Variants in PAM observed in about 807,000 individuals in gnomAD.
PAM encodes the protein peptidylglycine alpha-amidating monooxygenase, also known as peptidyl-glycine alpha-amidating monooxygenase.
In PAM, 72 loss-of-function variants were observed where a neutral mutation model predicts 122.1. The observed-to-expected ratio is 0.59, with a 90% confidence interval of 0.49 to 0.72. The LOEUF (loss-of-function observed/expected upper bound fraction) is 0.72, where lower values mean the gene tolerates loss of function less well. Among genes scored for constraint, PAM ranks in the 30% least tolerant of loss-of-function variants. The probability of loss-of-function intolerance (pLI) is 0.00; values close to 1 mark genes in which losing one functional copy is unlikely to be tolerated. For missense variants in PAM, 1,106 were observed against 1,183.7 expected, an observed-to-expected ratio of 0.93 and a Z score of 0.96; for synonymous variants, 389 against 404.4, an observed-to-expected ratio of 0.96 and a Z score of 0.46.
intron 7 of PAM, among the ~76,000 whole-genome samples, chr5:102,927,667 C>T (rs115702842): frequency 9.2e-4 from 140 of 151,888 alleles, no homozygotes; most frequent in African/African-American, 3.2e-3. Context: ...TAAATGCAGT[C>T]TCCCTCTGGA....
intron 1 of PAM, among the ~76,000 whole-genome samples, chr5:102,826,403 T>G (rs1773621799): frequency 6.6e-6 from 1 of 152,234 alleles, no homozygotes; most frequent in South Asian, 2.1e-4. Context: ...TATAATTTGC[T>G]ATCGCTAATA....
chr5:102,894,756 A>T (rs997921130), intron 3 of PAM, among the ~76,000 whole-genome samples: 1 of 151,622 alleles, frequency 6.6e-6, no homozygotes, highest in Admixed American at 6.6e-5. Context: ...GAATTATATC[A>T]CCAATACATT....
intron 1 of PAM, among the ~76,000 whole-genome samples, chr5:102,817,766 C>T (rs1019533784): frequency 1.3e-5 from 2 of 152,016 alleles, no homozygotes; most frequent in Admixed American, 1.3e-4. Flanking sequence ...TCAAAACACT[C>T]CAGAGGCTTC....
At chr5:103,001,421 T>C (rs1009939121) in intron 16 of PAM, among the ~76,000 whole-genome samples, 1 of 152,094 alleles carries the variant, frequency 6.6e-6, no homozygotes, top group South Asian at 2.1e-4. Flanking sequence ...AAATATCTTA[T>C]GAAATCTGTT....
chr5:102,842,386 C>T (rs1778877506), intron 1 of PAM, among the ~76,000 whole-genome samples: 1 of 152,080 alleles, frequency 6.6e-6, no homozygotes, highest in Non-Finnish European at 1.5e-5. Flanking sequence ...ATGTTGTTCT[C>T]ATGATAGCGA....
intron 15 of PAM, among the ~76,000 whole-genome samples, chr5:102,976,690 C>T (rs918067819): frequency 1.3e-5 from 2 of 152,152 alleles, no homozygotes; most frequent in Non-Finnish European, 2.9e-5. Flanking sequence ...ACAAAAATGT[C>T]AGGCTGGTCT....
At chr5:102,984,207 A>C (rs538204946) in intron 15 of PAM, among the ~76,000 whole-genome samples, 17 of 152,284 alleles carry the variant, frequency 1.1e-4, no homozygotes, top group Non-Finnish European at 2.1e-4. Context: ...ACCAGAAAAC[A>C]ATTAACAAAA....
intron 12 of PAM, among the ~76,000 whole-genome samples, chr5:102,953,978 G>A (rs1044771931): frequency 1.3e-5 from 2 of 151,956 alleles, no homozygotes; most frequent in African/African-American, 4.8e-5. Flanking sequence ...ATGCCATTGC[G>A]CTTCAGACTG....
At chr5:102,952,984 A>T (rs1280011828) in intron 12 of PAM, among the ~76,000 whole-genome samples, 2 of 152,152 alleles carry the variant, frequency 1.3e-5, no homozygotes, top group African/African-American at 2.4e-5. Flanking sequence ...TGGGGCCAGT[A>T]GGTGCCTCCT....
chr5:102,865,490 GAGAA>G (rs1785275824), intron 1 of PAM: 1 of 152,238 alleles, frequency 6.6e-6, no homozygotes, highest in African/African-American at 2.4e-5. Context: ...TTTTTGGTGA[GAGAA>G]AGGAGTGATA....
chr5:102,846,022 C>G (rs1232695294), intron 1 of PAM, among the ~76,000 whole-genome samples: 1 of 152,166 alleles, frequency 6.6e-6, no homozygotes, highest in East Asian at 1.9e-4. Context: ...TATATACTAA[C>G]TATACCACTA....
At chr5:102,946,939 T>A in intron 8 of PAM, 54 bp downstream of exon 8, 1 of 1,151,984 alleles carries the variant, frequency 8.7e-7, no homozygotes, top group South Asian at 1.3e-5. Flanking sequence ...CTTTGCGAAC[T>A]TAGAGTGGGA....
chr5:102,822,720 A>C (rs1390857124), intron 1 of PAM, among the ~76,000 whole-genome samples: 4 of 152,220 alleles, frequency 2.6e-5, no homozygotes, highest in Non-Finnish European at 5.9e-5. Context: ...AAGGGGCAGC[A>C]GGGAAGACTG....
chr5:102,929,580 G>A (rs1225200958), intron 7 of PAM, among the ~76,000 whole-genome samples: 1 of 152,200 alleles, frequency 6.6e-6, no homozygotes, highest in Non-Finnish European at 1.5e-5. Context: ...CTACTGAAAA[G>A]TGGGGAAATG....
intron 5 of PAM, among the ~76,000 whole-genome samples, chr5:102,922,847 A>G (rs1747925984): frequency 6.6e-6 from 1 of 152,210 alleles, no homozygotes; most frequent in African/African-American, 2.4e-5. Flanking sequence ...ACATTTGACA[A>G]TATCATTTCT....
rs146180630 is a variant in PAM, at chr5:102,809,099, C to T, written c.-374+53751C>T. Among the ~76,000 whole-genome samples, 85 of 152,172 alleles carry T rather than the reference C, an allele frequency of 5.6e-4. 1 individual carries two copies. The East Asian group carries it at 0.013, about 23-fold the overall frequency. ...AACAATAAATAATGAGACACATGAC[C>T]GGTTCCTCTCTATCAGCCTCCTTCT... On this transcript the variant is annotated intron_variant, in intron 1 of 25. Transcript: ENST00000438793.
At chr5:102,987,664 A>G in intron 15 of PAM, 1 of 366,288 alleles carries the variant, frequency 2.7e-6, no homozygotes, top group Non-Finnish European at 5.3e-6. Flanking sequence ...CGTACCAATA[A>G]AACATGTTTC....
intron 1 of PAM, among the ~76,000 whole-genome samples, chr5:102,795,163 C>T (rs1310849432): frequency 4.2e-5 from 5 of 119,432 alleles, no homozygotes; most frequent in African/African-American, 1.6e-4. Context: ...GCACTCCAGC[C>T]AGGGTGACAA....
intron 3 of PAM, among the ~76,000 whole-genome samples, chr5:102,872,401 A>G (rs1787827567): frequency 6.6e-6 from 1 of 152,148 alleles, no homozygotes; most frequent in South Asian, 2.1e-4. Context: ...TGAACAAAAT[A>G]CTCCTACAAA....
Sources: gnomAD v4.1 joint callset for allele counts (sites outside exome capture counted in the v4.1 genomes callset) on GRCh38, gnomAD v4.1.1 for gene constraint, MANE v1.5 for transcripts, NCBI Gene and HGNC (gene_info 2026-07-23, HGNC 2026-07-21) for gene names.